Variants in ADAM28 observed in about 807,000 individuals in gnomAD.
The protein encoded by ADAM28 is ADAM metallopeptidase domain 28.
Under a neutral mutation model 101.2 loss-of-function variants are expected in ADAM28, and 105 were observed. The ratio of observed to expected loss-of-function variants is 1.04; its 90% CI spans 0.89 to 1.22. The LOEUF (loss-of-function observed/expected upper bound fraction) is 1.22, where lower values mean the gene tolerates loss of function less well. ADAM28 is among the 50% of genes most tolerant of loss of function. The pLI is 0.00. For synonymous variants in ADAM28, 322 were observed against 310.6 expected (o/e 1.04, Z -0.39); for missense variants, 1,028 against 945.4 (o/e 1.09, Z -1.15).
At chr8:24,308,468 T>A (rs893220876) in intron 2 of ADAM28, among the ~76,000 whole-genome samples, 1 of 152,192 alleles carries the variant, frequency 6.6e-6, no homozygotes, top group Non-Finnish European at 1.5e-5. Flanking sequence ...CTAAATCTAC[T>A]AAAAAGCCAT....
At chr8:24,346,297 T>C (rs1020829940) in intron 18 of ADAM28, among the ~76,000 whole-genome samples, 1 of 152,110 alleles carries the variant, frequency 6.6e-6, no homozygotes, top group Non-Finnish European at 1.5e-5. Context: ...TAATATCTCA[T>C]TGCAGTTGTT....
At chr8:24,330,282 G>A (rs1020426584) in intron 11 of ADAM28, among the ~76,000 whole-genome samples, 167 bp downstream of exon 11, 1 of 152,096 alleles carries the variant, frequency 6.6e-6, no homozygotes, top group African/African-American at 2.4e-5. Flanking sequence ...TAATAACTAA[G>A]ACATAATTTA....
At position 24,298,725 on chromosome 8, in the gene ADAM28, A is replaced by G. The variant is rs1249756946; in HGVS notation, c.47-1249A>G. Among the ~76,000 whole-genome samples, 5 of 152,356 alleles carry G rather than the reference A, an allele frequency of 3.3e-5. No homozygotes were observed. The East Asian group carries it at 9.6e-4, about 29-fold the overall frequency. Reference sequence around the variant, plus strand: ...TTTAGTCTTAGAAAGTTGTAGAGTTAGGCCCCATTCTGCTACTGCAGTCTA... The same window carrying G: ...TTTAGTCTTAGAAAGTTGTAGAGTTGGGCCCCATTCTGCTACTGCAGTCTA... On this transcript the variant is annotated intron_variant, in intron 1 of 22. Transcript: ENST00000265769.
chr8:24,319,535 G>A (rs6999353), intron 6 of ADAM28, among the ~76,000 whole-genome samples: 14,527 of 151,942 alleles, frequency 0.096, 1,409 homozygotes, highest in African/African-American at 0.25. Context: ...ATCTTCAGGA[G>A]TTTCTTCTTT....
In ADAM28 at chr8:24,358,375, T is replaced by A. The variant is rs1364607960; in HGVS notation, c.*3971T>A. On this transcript the variant is annotated 3_prime_UTR_variant, in exon 23 of 23. Transcript: ENST00000265769. ...GCTAAATAATTTGCATACACTAGCA[T>A]CTGGATGTAATATGGAAAAATATGG... The A allele has an allele frequency of 6.6e-6, 1 of 152,232 alleles. No homozygotes were observed. Among genetic ancestry groups the A allele is most frequent in the Non-Finnish European group, 1.5e-5 (1 of 68,048 alleles). The allele number at this position is 152,232 out of a possible 1,614,324, so 9.4% of individuals were successfully genotyped here. A position where few individuals can be genotyped will look rare whatever the true frequency, so the allele number is the denominator to read the frequency against.
At chr8:24,349,534 C>G (rs1815815241) in intron 18 of ADAM28, among the ~76,000 whole-genome samples, 1 of 152,148 alleles carries the variant, frequency 6.6e-6, no homozygotes, top group Admixed American at 6.5e-5. Flanking sequence ...TGTTTCATTT[C>G]TTCTTTGCCA....
intron 10 of ADAM28, among the ~76,000 whole-genome samples, chr8:24,328,169 G>A (rs554526036): frequency 1.3e-5 from 2 of 151,606 alleles, no homozygotes; most frequent in Admixed American, 1.3e-4. Context: ...CCTTTCAAGG[G>A]AATTTTTTAA....
intron 2 of ADAM28, 66 bp downstream of exon 2, chr8:24,300,143 A>C: frequency 2.3e-6 from 3 of 1,278,346 alleles, no homozygotes; most frequent in Non-Finnish European, 3.3e-6. Context: ...ATATATATCT[A>C]TCTATGATGA....
intron 15 of ADAM28, among the ~76,000 whole-genome samples, 182 bp downstream of exon 15, chr8:24,339,750 A>G (rs1814541333): frequency 6.6e-6 from 1 of 152,204 alleles, no homozygotes; most frequent in Non-Finnish European, 1.5e-5. Context: ...CTAAAACAAC[A>G]AATAAGAAAT....
In ADAM28 at chr8:24,354,597, T is replaced by C; in HGVS notation, c.*193T>C. ...AGAGGAACATATGCCTGAGAACCTT[T>C]GCATGAATTTAAAATTTCAATTATC... On this transcript the variant is annotated 3_prime_UTR_variant, in exon 23 of 23. Transcript: ENST00000265769. The C allele has an allele frequency of 2.1e-6, 1 of 472,524 alleles. No individual in the cohort carries two copies. Among genetic ancestry groups the C allele is most frequent in the Non-Finnish European group, 3.7e-6 (1 of 269,978 alleles). 29.3% of individuals were successfully genotyped at this position (472,524 alleles called of 1,614,324 possible). A position where few individuals can be genotyped will look rare whatever the true frequency, so the allele number is the denominator to read the frequency against.
chr8:24,299,905 G>A, intron 1 of ADAM28, 69 bp from the exon 2 acceptor site: 1 of 1,147,740 alleles, frequency 8.7e-7, no homozygotes, highest in South Asian at 1.4e-5. Flanking sequence ...AATGCAGTAA[G>A]GATGGCCTTT....
chr8:24,325,881 A>AC lies in ADAM28; in HGVS notation c.891-673_891-672insC, dbSNP rs1158961252. On this transcript the variant is annotated intron_variant, in intron 9 of 22. Coordinates refer to ENST00000265769, the MANE Select transcript of ADAM28 (RefSeq NM_014265.6). Reference sequence around the variant, plus strand: ...ATCTTGTACAGATAGCAAAAAAAAAAAAAAAAAAAAAAAAAAAAACCAAAA... The same window carrying AC: ...ATCTTGTACAGATAGCAAAAAAAAAACAAAAAAAAAAAAAAAAAAACCAAAA... Among the ~76,000 whole-genome samples, 64 of 144,934 alleles carry AC rather than the reference A, an allele frequency of 4.4e-4. 1 individual carries two copies. The highest frequency in any genetic ancestry group is 1.8e-3 in the East Asian group (9 of 4,902).
intron 2 of ADAM28, among the ~76,000 whole-genome samples, chr8:24,303,706 G>A (rs1809151056): frequency 6.6e-6 from 1 of 152,136 alleles, no homozygotes; most frequent in South Asian, 2.1e-4. Context: ...AATGGGAATA[G>A]CACTGATTCT....
In ADAM28 at chr8:24,354,950, TG is replaced by T. The variant is rs1816577569; in HGVS notation, c.*547del. ...TTTGGTATAACTAAGAATTTAAAAA[TG>T]TTTTATCATATATATTTGTATAATT... On this transcript the variant is annotated 3_prime_UTR_variant, in exon 23 of 23. Coordinates refer to ENST00000265769, the MANE Select transcript of ADAM28 (RefSeq NM_014265.6). The T allele has an allele frequency of 6.6e-6, 1 of 152,576 alleles. No individual in the cohort carries two copies. Among genetic ancestry groups the T allele is most frequent in the Non-Finnish European group, 1.5e-5 (1 of 68,034 alleles). 9.5% of individuals were successfully genotyped at this position (152,576 alleles called of 1,614,324 possible).
At chr8:24,335,366 A>G in intron 13 of ADAM28, 80 bp from the exon 14 acceptor site, 1 of 1,455,822 alleles carries the variant, frequency 6.9e-7, no homozygotes, top group Non-Finnish European at 9.1e-7. Context: ...GTCCAAATGG[A>G]AAATATTTGT....
At chr8:24,316,162 A>G (rs1341926048) in intron 6 of ADAM28, among the ~76,000 whole-genome samples, 1 of 151,648 alleles carries the variant, frequency 6.6e-6, no homozygotes, top group East Asian at 1.9e-4. Context: ...TTGATTTAGG[A>G]TATTTGTAAA....
At chr8:24,294,598 T>A (rs192537732) in intron 1 of ADAM28, among the ~76,000 whole-genome samples, 1 of 152,270 alleles carries the variant, frequency 6.6e-6, no homozygotes, top group African/African-American at 2.4e-5. Context: ...CTTAGGAAAA[T>A]ACCTACTATT....
At chr8:24,335,972 G>T (rs1585683524) in intron 14 of ADAM28, 2 of 1,061,544 alleles carry the variant, frequency 1.9e-6, no homozygotes, top group South Asian at 4.3e-5. Flanking sequence ...ATTAAACTGG[G>T]TGTCTTTTTC....
chr8:24,308,039 C>A (rs776857435), intron 2 of ADAM28, among the ~76,000 whole-genome samples: 25 of 152,178 alleles, frequency 1.6e-4, no homozygotes, highest in Non-Finnish European at 3.4e-4. Flanking sequence ...CCAGAAACAT[C>A]CAGGACTGTG....
Sources: gnomAD v4.1 joint callset for allele counts (sites outside exome capture counted in the v4.1 genomes callset) on GRCh38, gnomAD v4.1.1 for gene constraint, MANE v1.5 for transcripts, NCBI Gene and HGNC (gene_info 2026-07-23, HGNC 2026-07-21) for gene names.